Variants in NRXN3 observed in about 807,000 individuals in gnomAD.
NRXN3 encodes the protein neurexin 3, also known as neurexin III.
In NRXN3, 32 loss-of-function variants were observed where a neutral mutation model predicts 137.6. The ratio of observed to expected loss-of-function variants is 0.23; its 90% CI spans 0.18 to 0.31. The LOEUF (loss-of-function observed/expected upper bound fraction) is 0.31. NRXN3 is among the 10% of genes least tolerant of loss of function. The pLI, the probability that NRXN3 is intolerant of heterozygous loss-of-function variation, is 1.00. For synonymous variants in NRXN3, 798 were observed against 784.5 expected (o/e 1.02, Z -0.29); for missense variants, 1,574 against 2,062.5 (o/e 0.76, Z 4.59).
Position 78,330,290 on chromosome 14 carries a change from A to G in NRXN3, c.757+32430A>G, listed in dbSNP as rs542887764. ...CCTAAGAGATTTGGCTAAGCTTGAC[A>G]GGAGTCCCCACAATGTGCCTTATGA... On this transcript the variant is annotated intron_variant, in intron 4 of 20. Transcript: ENST00000335750. Among the ~76,000 whole-genome samples, 18 of 152,256 alleles carry G rather than the reference A, an allele frequency of 1.2e-4. No individual in the cohort carries two copies. In the South Asian group the frequency reaches 3.5e-3, roughly 30 times the overall value.
chr14:79,476,210 T>C (rs1256259607), intron 16 of NRXN3, among the ~76,000 whole-genome samples: 1 of 152,096 alleles, frequency 6.6e-6, no homozygotes, highest in East Asian at 1.9e-4. Flanking sequence ...GGGAATTCAT[T>C]AGCCACCCAC....
chr14:78,996,158 A>G (rs911493673), intron 15 of NRXN3, among the ~76,000 whole-genome samples: 1 of 151,592 alleles, frequency 6.6e-6, no homozygotes, highest in Non-Finnish European at 1.5e-5. Context: ...ATTCAGTTTC[A>G]TTTTTCTTTT....
At chr14:79,637,726 G>GTTTTTTTTTTTTTTTTTTT (rs1447669099) in intron 16 of NRXN3, among the ~76,000 whole-genome samples, 2 of 92,998 alleles carry the variant, frequency 2.2e-5, no homozygotes, top group African/African-American at 8.6e-5. Context: ...ATATAGAAAA[G>GTTTTTTTTTTTTTTTTTTT]TTCTTTTTTT....
intron 10 of NRXN3, among the ~76,000 whole-genome samples, chr14:78,898,513 T>C (rs1321005386): frequency 6.6e-6 from 1 of 151,566 alleles, no homozygotes; most frequent in Non-Finnish European, 1.5e-5. Context: ...CAGAGATGCA[T>C]AAGTTTCTTA....
intron 19 of NRXN3, among the ~76,000 whole-genome samples, chr14:79,787,033 T>C (rs2099131394): frequency 1.3e-5 from 2 of 152,332 alleles, no homozygotes; most frequent in East Asian, 3.9e-4. Context: ...TTTGGCACTT[T>C]GCAAGAAATT....
At chr14:78,553,106 C>A (rs2096707982) in intron 4 of NRXN3, among the ~76,000 whole-genome samples, 1 of 152,138 alleles carries the variant, frequency 6.6e-6, no homozygotes, top group South Asian at 2.1e-4. Flanking sequence ...TTATCTTTAA[C>A]CACATTGACT....
chr14:78,308,891 G>C (rs1248977957), intron 4 of NRXN3, among the ~76,000 whole-genome samples: 2 of 152,064 alleles, frequency 1.3e-5, no homozygotes, highest in African/African-American at 4.8e-5. Context: ...GGTAAGAATT[G>C]CTAAATGGCA....
chr14:79,762,382 A>C (rs2099041672), intron 19 of NRXN3, among the ~76,000 whole-genome samples: 1 of 151,756 alleles, frequency 6.6e-6, no homozygotes, highest in Non-Finnish European at 1.5e-5. Context: ...GAACTGAAGA[A>C]AGAAGGTTGC....
chr14:79,285,524 A>T (rs1189489808), intron 15 of NRXN3, among the ~76,000 whole-genome samples: 1 of 152,112 alleles, frequency 6.6e-6, no homozygotes, highest in East Asian at 1.9e-4. Context: ...AATGTCTGAG[A>T]CCAAGGTGTC....
chr14:79,460,545 C>G (rs2096320830), intron 15 of NRXN3, among the ~76,000 whole-genome samples: 1 of 152,172 alleles, frequency 6.6e-6, no homozygotes, highest in Non-Finnish European at 1.5e-5. Context: ...AGATTTAATG[C>G]TAAACTAAAC....
At chr14:79,724,235 A>C (rs2098865392) in intron 19 of NRXN3, among the ~76,000 whole-genome samples, 1 of 152,140 alleles carries the variant, frequency 6.6e-6, no homozygotes. Flanking sequence ...TTGTCCCCAC[A>C]GTCTGCCAAA....
chr14:79,754,323 G>A (rs551007063), intron 19 of NRXN3, among the ~76,000 whole-genome samples: 2 of 151,624 alleles, frequency 1.3e-5, no homozygotes, highest in Admixed American at 6.6e-5. Context: ...TGGCCTGGAC[G>A]ACAGAGCGAG....
At chr14:78,494,421 G>GTTTTTTTTTTTTTTTTT (rs139596761) in intron 4 of NRXN3, among the ~76,000 whole-genome samples, 2 of 132,492 alleles carry the variant, frequency 1.5e-5, no homozygotes, top group Non-Finnish European at 3.3e-5. Context: ...TACCAGAGGT[G>GTTTTTTTTTTTTTTTTT]TTTTGTTTTT....
chr14:78,509,159 C>T (rs979836691), intron 4 of NRXN3, among the ~76,000 whole-genome samples: 3 of 151,996 alleles, frequency 2.0e-5, no homozygotes, highest in Non-Finnish European at 4.4e-5. Flanking sequence ...AATTATTTGG[C>T]ATAGTGACAC....
chr14:78,812,528 C>G (rs1010878750), intron 10 of NRXN3, among the ~76,000 whole-genome samples: 2 of 152,196 alleles, frequency 1.3e-5, no homozygotes, highest in Non-Finnish European at 2.9e-5. Flanking sequence ...TCTATCCACA[C>G]TTTCTCATGA....
chr14:78,770,199 C>T (rs1236279911), intron 8 of NRXN3, among the ~76,000 whole-genome samples: 1 of 152,106 alleles, frequency 6.6e-6, no homozygotes, highest in East Asian at 1.9e-4. Flanking sequence ...TGGCTTTGAA[C>T]AATAAGGACC....
Position 78,514,248 on chromosome 14 carries a change from AT to A in NRXN3, c.758-130871del, listed in dbSNP as rs2096164799. Among the ~76,000 whole-genome samples the A allele has an allele frequency of 2.0e-5, 3 of 152,268 alleles. No individual in the cohort carries two copies. In the South Asian group the frequency reaches 6.2e-4, roughly 32 times the overall value. ...TAGTATAACATTAACTAATATTTGA[AT>A]GATAAATTATTGCCATAGGAAACTA... On this transcript the variant is annotated intron_variant, in intron 4 of 20. Coordinates refer to ENST00000335750, the MANE Select transcript of NRXN3 (RefSeq NM_001330195.2).
At chr14:78,700,712 C>A (rs2098269783) in intron 6 of NRXN3, among the ~76,000 whole-genome samples, 1 of 152,118 alleles carries the variant, frequency 6.6e-6, no homozygotes, top group African/African-American at 2.4e-5. Context: ...CTGTGATAGA[C>A]TGTGATAGAC....
intron 15 of NRXN3, among the ~76,000 whole-genome samples, chr14:79,356,684 T>C (rs1220579343): frequency 6.6e-6 from 1 of 152,176 alleles, no homozygotes; most frequent in Non-Finnish European, 1.5e-5. Flanking sequence ...CCCGCCCCAC[T>C]GCCTCCCCAT....
Sources: allele counts gnomAD v4.1 joint callset (sites outside exome capture counted in the v4.1 genomes callset), GRCh38; gene constraint gnomAD v4.1.1; transcripts MANE v1.5; gene names NCBI Gene and HGNC (gene_info 2026-07-23, HGNC 2026-07-21).